LOXL2: variants seen among roughly 807,000 people sequenced by gnomAD.
The protein encoded by LOXL2 is lysyl oxidase homolog 2.
A neutral mutation model predicts 93.0 loss-of-function variants in LOXL2; 70 were observed. The ratio of observed to expected loss-of-function variants is 0.75; its 90% confidence interval spans 0.62 to 0.92. The LOEUF (loss-of-function observed/expected upper bound fraction) is 0.92, where lower values mean the gene tolerates loss of function less well. LOXL2 is among the 40% of genes least tolerant of loss of function. The pLI, the probability that LOXL2 is intolerant of heterozygous loss-of-function variation, is 0.00. For synonymous variants in LOXL2, 438 were observed against 413.2 expected, an observed-to-expected ratio of 1.06 and a Z score of -0.73; for missense variants, 973 against 1,054.9, an observed-to-expected ratio of 0.92 and a Z score of 1.08.
intron 3 of LOXL2, among the ~76,000 whole-genome samples, chr8:23,342,743 T>C (rs992708709): frequency 6.6e-6 from 1 of 151,936 alleles, no homozygotes; most frequent in Non-Finnish European, 1.5e-5. Context: ...TTTTTTCTTT[T>C]AATTAATTAA....
intron 1 of LOXL2, chr8:23,370,689 G>C (rs1804480724): frequency 6.6e-6 from 1 of 152,104 alleles, no homozygotes; most frequent in African/African-American, 2.4e-5. Flanking sequence ...TTCCACGGCA[G>C]TGATCAACAG....
At chr8:23,387,769 G>A (rs1455775896) in intron 1 of LOXL2, among the ~76,000 whole-genome samples, 4 of 152,062 alleles carry the variant, frequency 2.6e-5, no homozygotes, top group South Asian at 2.1e-4. Flanking sequence ...GGCCAACATG[G>A]TGAAACCCTA....
At chr8:23,384,034 T>C (rs923896495) in intron 1 of LOXL2, among the ~76,000 whole-genome samples, 1 of 152,134 alleles carries the variant, frequency 6.6e-6, no homozygotes, top group African/African-American at 2.4e-5. Context: ...TTTTCATGAG[T>C]AGTTGGACCT....
At chr8:23,320,387 C>T (rs143789315) in intron 7 of LOXL2, among the ~76,000 whole-genome samples, 9 of 152,246 alleles carry the variant, frequency 5.9e-5, no homozygotes, top group Middle Eastern at 3.4e-3. Flanking sequence ...TGTTGGAATC[C>T]CACAAGACTC....
Position 23,319,436 on chromosome 8 carries a change from G to A in LOXL2, c.1470+449C>T, listed in dbSNP as rs183574748. The stretch of plus-strand genomic sequence containing the variant: ...GAATGCATTAGGCACAGATGCCAGC[G>A]GGGAAACGTGTTCAGACCAGAGCGG... On this transcript the variant is annotated intron_variant, in intron 8 of 13. Coordinates refer to ENST00000389131, the MANE Select transcript of LOXL2 (RefSeq NM_002318.3). Among the ~76,000 whole-genome samples, 45 of 152,268 alleles carry A rather than the reference G, an allele frequency of 3.0e-4. No homozygotes were observed. In the East Asian group the frequency reaches 6.6e-3, roughly 22 times the overall value.
In LOXL2 at chr8:23,309,764, C is replaced by T. The variant is rs769411774; in HGVS notation, c.1784G>A (p.Arg595Gln). ...GATCTGGGAGGAGAAGCGCAGGAGC[C>T]GGCGGTAGCCCGTGGTGGGGTCGGT... ...AQTDPTTGYRRLLRFSSQIHN... is the reference protein window; with the variant it reads ...AQTDPTTGYRQLLRFSSQIHN... Residue 595 changes from arginine to glutamine, a missense_variant, in exon 10 of 14, where the codon CGG (arginine) becomes CAG (glutamine). By Grantham distance (43) the Arg-to-Gln change is conservative. Coordinates refer to ENST00000389131, the MANE Select transcript of LOXL2 (RefSeq NM_002318.3). 26 of 1,603,122 alleles carry T rather than the reference C, an allele frequency of 1.6e-5. No homozygotes were observed. The highest frequency in any genetic ancestry group is 1.7e-4 in the Middle Eastern group (1 of 6,052).
At chr8:23,314,860 G>GA (rs1386954777) in intron 9 of LOXL2, among the ~76,000 whole-genome samples, 1 of 138,812 alleles carries the variant, frequency 7.2e-6, no homozygotes, top group Non-Finnish European at 1.5e-5. Flanking sequence ...AATAAAAAAG[G>GA]AGAAAAACAA....
intron 1 of LOXL2, among the ~76,000 whole-genome samples, chr8:23,386,249 C>T (rs1365599145): frequency 7.2e-5 from 11 of 152,172 alleles, no homozygotes; most frequent in African/African-American, 2.4e-4. Flanking sequence ...AAAAATTAGC[C>T]GGGCGTGGTA....
chr8:23,303,456 C>T, intron 10 of LOXL2, 59 bp from the exon 11 acceptor site: 1 of 1,019,008 alleles, frequency 9.8e-7, no homozygotes, highest in Non-Finnish European at 1.5e-6. Context: ...TGCTTGCAAG[C>T]AGAGGCCTGG....
intron 3 of LOXL2, among the ~76,000 whole-genome samples, chr8:23,346,147 A>AAT (rs1383994878): frequency 3.1e-5 from 1 of 31,934 alleles, no homozygotes; most frequent in Non-Finnish European, 5.5e-5. Flanking sequence ...TAAAATAAAT[A>AAT]AAATAAAATA....
chr8:23,298,152 G>A, intron 13 of LOXL2, 30 bp from the exon 14 acceptor site: 1 of 1,564,526 alleles, frequency 6.4e-7, no homozygotes, highest in Non-Finnish European at 8.8e-7. Context: ...TAGAGAGAGT[G>A]GACAAATGAG....
chr8:23,307,567 G>C (rs567255013), intron 10 of LOXL2, among the ~76,000 whole-genome samples: 1 of 152,190 alleles, frequency 6.6e-6, no homozygotes, highest in South Asian at 2.1e-4. Context: ...TCCTTGGAGC[G>C]TAAGTGTATG....
intron 1 of LOXL2, among the ~76,000 whole-genome samples, chr8:23,381,898 T>A (rs1326476205): frequency 6.6e-6 from 1 of 152,210 alleles, no homozygotes; most frequent in Non-Finnish European, 1.5e-5. Context: ...CCCCCAAGCC[T>A]AACACAGTGC....
At chr8:23,333,714 C>T in intron 4 of LOXL2, 91 bp from the exon 5 acceptor site, 5 of 1,034,256 alleles carry the variant, frequency 4.8e-6, no homozygotes, top group South Asian at 3.0e-5. Flanking sequence ...GAGACTGGGC[C>T]CTGCTCCTGG....
At chr8:23,369,890 A>C (rs1356494684) in intron 1 of LOXL2, among the ~76,000 whole-genome samples, 4 of 152,176 alleles carry the variant, frequency 2.6e-5, no homozygotes. Context: ...GCACATCTGC[A>C]TCCTCAAGCT....
rs552936697 is a variant in LOXL2 at position 23,298,900 on chromosome 8, G to A, written c.2181C>T (p.Asn727=). The A allele has an allele frequency of 4.3e-6, 7 of 1,614,040 alleles. No individual in the cohort carries two copies. The African/African-American group carries it at 5.3e-5, about 12-fold the overall frequency. Residue 727 remains asparagine, a synonymous_variant, in exon 13 of 14, where the codon AAC becomes AAT. Coordinates refer to ENST00000389131, the MANE Select transcript of LOXL2 (RefSeq NM_002318.3). The part of the protein sequence containing the change: ...NFEVAESDYS[N]NIMKCRSRYD... ...AGCGGCTCCTGCATTTCATGATGTTGTTGGAGTAATCGGATTCTGCAACCT... is the reference window on the plus strand; with the variant it reads ...AGCGGCTCCTGCATTTCATGATGTTATTGGAGTAATCGGATTCTGCAACCT...
chr8:23,346,741 C>CTA (rs1351481793), intron 3 of LOXL2, among the ~76,000 whole-genome samples: 1 of 152,198 alleles, frequency 6.6e-6, no homozygotes, highest in Non-Finnish European at 1.5e-5. Context: ...ACTCTCAGCA[C>CTA]CAGGCACGTT....
At chr8:23,381,660 T>C (rs1019089928) in intron 1 of LOXL2, among the ~76,000 whole-genome samples, 4 of 152,228 alleles carry the variant, frequency 2.6e-5, no homozygotes, top group African/African-American at 7.2e-5. Flanking sequence ...CTTTTTCTAC[T>C]GAGCTTTTCC....
At chr8:23,356,079 A>G (rs1364493682) in intron 3 of LOXL2, among the ~76,000 whole-genome samples, 1 of 152,108 alleles carries the variant, frequency 6.6e-6, no homozygotes, top group African/African-American at 2.4e-5. Flanking sequence ...TTCATTCCAT[A>G]ATTTTATACT....
Sources: allele counts gnomAD v4.1 joint callset (sites outside exome capture counted in the v4.1 genomes callset), GRCh38; gene constraint gnomAD v4.1.1; transcripts MANE v1.5; gene names NCBI Gene and HGNC (gene_info 2026-07-23, HGNC 2026-07-21).